ZNF462: variants seen among roughly 807,000 people sequenced by gnomAD.
The protein encoded by ZNF462 is zinc finger protein 462.
A neutral mutation model predicts 201.9 loss-of-function variants in ZNF462; 10 were observed. The observed-to-expected ratio is 0.05, with a 90% confidence interval of 0.03 to 0.08. The LOEUF is 0.08. ZNF462 is among the 10% of genes least tolerant of loss of function. ZNF462 has a pLI of 1.00. For missense variants in ZNF462, 2,523 were observed against 3,168.3 expected (o/e 0.80, Z 4.89); for synonymous variants, 1,227 against 1,193.3 (o/e 1.03, Z -0.58).
rs376852979 is a variant in ZNF462 at position 106,895,631 on chromosome 9, C to A, written c.-30-27723C>A. On this transcript the variant is annotated intron_variant, in intron 1 of 12. Transcript: ENST00000277225. The surrounding 1 kb of genome is among the most constrained non-coding windows in gnomAD (Gnocchi z 4.4). Reference sequence around the variant, plus strand: ...GACATTTGAAACTGGATAGATCTTACGTTATTTAATCCCTATGAAATGGAT... The same window carrying A: ...GACATTTGAAACTGGATAGATCTTAAGTTATTTAATCCCTATGAAATGGAT... Among the ~76,000 whole-genome samples, 1 of 152,174 alleles carries A rather than the reference C, an allele frequency of 6.6e-6. No individual in the cohort carries two copies. Among genetic ancestry groups the A allele is most frequent in the Non-Finnish European group, 1.5e-5 (1 of 68,032 alleles).
chr9:106,898,467 G>A (rs1828907529), intron 1 of ZNF462, among the ~76,000 whole-genome samples: 1 of 152,186 alleles, frequency 6.6e-6, no homozygotes, highest in African/African-American at 2.4e-5. Flanking sequence ...GACAGTTGAA[G>A]CACTGTTGGT....
At chr9:106,903,728 T>C (rs1036746947) in intron 1 of ZNF462, among the ~76,000 whole-genome samples, 6 of 152,228 alleles carry the variant, frequency 3.9e-5, no homozygotes, top group Admixed American at 2.0e-4. Flanking sequence ...TTTTGTCTGA[T>C]ATAAGAATAG....
intron 6 of ZNF462, among the ~76,000 whole-genome samples, chr9:106,937,215 G>C (rs1830667653): frequency 6.6e-6 from 1 of 151,610 alleles, no homozygotes; most frequent in South Asian, 2.1e-4. Context: ...TGCATTAAAA[G>C]AAAAAAATGA....
intron 1 of ZNF462, among the ~76,000 whole-genome samples, chr9:106,878,888 G>A (rs1041725584): frequency 3.3e-5 from 5 of 152,158 alleles, no homozygotes; most frequent in African/African-American, 1.2e-4. Flanking sequence ...AGAGTTTCCA[G>A]TTATTTTTAG....
At position 106,919,355 on chromosome 9, in the gene ZNF462, T is replaced by C. The variant is rs980379315; in HGVS notation, c.-30-3999T>C. Reference sequence around the variant, plus strand: ...GACGATGAAGCTGTGGTTTGTCTCCTTCCTCCTTCACAGGAGGGAAAACTG... The same window carrying C: ...GACGATGAAGCTGTGGTTTGTCTCCCTCCTCCTTCACAGGAGGGAAAACTG... On this transcript the variant is annotated intron_variant, in intron 1 of 12. Coordinates refer to ENST00000277225, the MANE Select transcript of ZNF462 (RefSeq NM_021224.6). This position sits in a 1 kb window ranked among gnomAD's most constrained non-coding sequence, Gnocchi z 4.5. Among the ~76,000 whole-genome samples the C allele has an allele frequency of 1.3e-5, 2 of 152,186 alleles. No individual in the cohort carries two copies. Among genetic ancestry groups the C allele is most frequent in the Non-Finnish European group, 2.9e-5 (2 of 68,028 alleles).
intron 10 of ZNF462, among the ~76,000 whole-genome samples, chr9:107,001,529 C>T (rs917587912): frequency 2.6e-5 from 4 of 152,126 alleles, no homozygotes; most frequent in African/African-American, 7.2e-5. Context: ...AACTTGAACT[C>T]GGGTCTGTCT....
Position 106,890,209 on chromosome 9 carries a change from C to T in ZNF462, c.-31+26854C>T, listed in dbSNP as rs1381558613. 2.0e-5 allele frequency among the ~76,000 whole-genome samples: 3 copies of T among 152,184 alleles called. No homozygotes were observed. The highest frequency in any genetic ancestry group is 2.1e-4 in the South Asian group (1 of 4,828). On this transcript the variant is annotated intron_variant, in intron 1 of 12. Coordinates refer to ENST00000277225, the MANE Select transcript of ZNF462 (RefSeq NM_021224.6). The surrounding 1 kb of genome is among the most constrained non-coding windows in gnomAD (Gnocchi z 4.2). ...CAATAAAAACTATATGTGAGAATTT[C>T]GTGGCCTTGACTGAGCTGTGTATGG...
At position 107,009,206 on chromosome 9, in the gene ZNF462, A is replaced by T; in HGVS notation, c.7190-339A>T. On this transcript the variant is annotated intron_variant, in intron 11 of 12. Coordinates refer to ENST00000277225, the MANE Select transcript of ZNF462 (RefSeq NM_021224.6). The surrounding 1 kb of genome is among the most constrained non-coding windows in gnomAD (Gnocchi z 6.1). Reference sequence around the variant, plus strand: ...GTGAGGCACTGATATAAATCATCACACAAGGGAGAGAATAAATCGGAAAAA... The same window carrying T: ...GTGAGGCACTGATATAAATCATCACTCAAGGGAGAGAATAAATCGGAAAAA... 3.7e-6 allele frequency: 1 copy of T among 272,508 alleles called. No individual in the cohort carries two copies. The highest frequency in any genetic ancestry group is 6.4e-5 in the South Asian group (1 of 15,708). The allele number at this position is 272,508 out of a possible 1,614,324, so 16.9% of individuals were successfully genotyped here.
chr9:106,967,953 GTCTAT>G (rs1832155912), intron 7 of ZNF462, among the ~76,000 whole-genome samples: 2 of 151,748 alleles, frequency 1.3e-5, no homozygotes, highest in South Asian at 4.2e-4. Flanking sequence ...GTTATTTTCT[GTCTAT>G]TCTATTATCA....
chr9:106,915,781 A>C lies in ZNF462; in HGVS notation c.-30-7573A>C, dbSNP rs1163021698. Among the ~76,000 whole-genome samples, 4 of 152,216 alleles carry C rather than the reference A, an allele frequency of 2.6e-5. No individual in the cohort carries two copies. The East Asian group carries it at 7.7e-4, about 29-fold the overall frequency. Reference sequence around the variant, plus strand: ...GCTCAGGCACTGTTTGCCTTTTCAGAAAGCAGGGGTTTAGGACTTTATCCT... The same window carrying C: ...GCTCAGGCACTGTTTGCCTTTTCAGCAAGCAGGGGTTTAGGACTTTATCCT... On this transcript the variant is annotated intron_variant, in intron 1 of 12. Coordinates refer to ENST00000277225, the MANE Select transcript of ZNF462 (RefSeq NM_021224.6).
At position 106,876,603 on chromosome 9, in the gene ZNF462, A is replaced by G. The variant is rs1345407261; in HGVS notation, c.-31+13248A>G. 6.6e-6 allele frequency among the ~76,000 whole-genome samples: 1 copy of G among 152,194 alleles called. No homozygotes were observed. The highest frequency in any genetic ancestry group is 1.5e-5 in the Non-Finnish European group (1 of 68,024). ...TGTGTGCATTCAGTAGGAGCTTGTA[A>G]ACTACCCGAGAATGATGCCATTTCC... On this transcript the variant is annotated intron_variant, in intron 1 of 12. Coordinates refer to ENST00000277225, the MANE Select transcript of ZNF462 (RefSeq NM_021224.6). This position sits in a 1 kb window ranked among gnomAD's most constrained non-coding sequence, Gnocchi z 4.9.
intron 1 of ZNF462, among the ~76,000 whole-genome samples, chr9:106,910,362 G>GTTTTTTTT (rs1011376719): frequency 3.6e-4 from 23 of 64,786 alleles, no homozygotes; most frequent in African/African-American, 1.1e-3. Context: ...CCTTGTTTTA[G>GTTTTTTTT]TTTTTTTTTT....
At chr9:106,953,196 G>A (rs1374920496) in intron 7 of ZNF462, among the ~76,000 whole-genome samples, 6 of 152,284 alleles carry the variant, frequency 3.9e-5, no homozygotes, top group South Asian at 4.2e-4. Context: ...TAGACTCAGT[G>A]TTCTGCCTTC....
At chr9:106,889,784 C>A (rs1448595567) in intron 1 of ZNF462, among the ~76,000 whole-genome samples, 2 of 152,164 alleles carry the variant, frequency 1.3e-5, no homozygotes, top group Non-Finnish European at 2.9e-5. Context: ...GTCAACAGGT[C>A]TAACACATTA....
In ZNF462 at chr9:107,009,757, T is replaced by G. The variant is rs973787275; in HGVS notation, c.7313+89T>G. 3.2e-6 allele frequency: 5 copies of G among 1,555,868 alleles called. No homozygotes were observed. In the African/African-American group the frequency reaches 6.8e-5, roughly 21 times the overall value. On this transcript the variant is annotated intron_variant, in intron 12 of 12. Coordinates refer to ENST00000277225, the MANE Select transcript of ZNF462 (RefSeq NM_021224.6). This position sits in a 1 kb window ranked among gnomAD's most constrained non-coding sequence, Gnocchi z 6.1. ...TCTTGTTTTGGTTCCCCTGACAGTA[T>G]GTACACCCCTCTGTGTCACATTTCT...
chr9:106,970,664 G>T lies in ZNF462; in HGVS notation c.6428-1341G>T, dbSNP rs1038875154. On this transcript the variant is annotated intron_variant, in intron 7 of 12. Transcript: ENST00000277225. The surrounding 1 kb of genome is among the most constrained non-coding windows in gnomAD (Gnocchi z 4.2). Reference sequence around the variant, plus strand: ...AGTTACACTGAAATTCATCTGTGTGGTATTCATGGACTTCATTTGTGTCAT... The same window carrying T: ...AGTTACACTGAAATTCATCTGTGTGTTATTCATGGACTTCATTTGTGTCAT... Among the ~76,000 whole-genome samples the T allele has an allele frequency of 2.0e-5, 3 of 152,242 alleles. No homozygotes were observed. Among genetic ancestry groups the T allele is most frequent in the African/African-American group, 4.8e-5 (2 of 41,552 alleles).
In ZNF462 at chr9:106,919,969, A is replaced by G. The variant is rs1408934355; in HGVS notation, c.-30-3385A>G. 6.6e-6 allele frequency among the ~76,000 whole-genome samples: 1 copy of G among 152,172 alleles called. No individual in the cohort carries two copies. Among genetic ancestry groups the G allele is most frequent in the South Asian group, 2.1e-4 (1 of 4,834 alleles). On this transcript the variant is annotated intron_variant, in intron 1 of 12. Transcript: ENST00000277225. This position sits in a 1 kb window ranked among gnomAD's most constrained non-coding sequence, Gnocchi z 4.5. Reference sequence around the variant, plus strand: ...ACTTTTGATTTTGCTGATTTTGGTGAGAAAAAATATTGCTAATTTCATAAT... The same window carrying G: ...ACTTTTGATTTTGCTGATTTTGGTGGGAAAAAATATTGCTAATTTCATAAT...
intron 1 of ZNF462, among the ~76,000 whole-genome samples, chr9:106,877,322 TACATTTGGGAAA>T (rs1827877235): frequency 7.2e-6 from 1 of 139,746 alleles, no homozygotes; most frequent in Non-Finnish European, 1.6e-5. Flanking sequence ...TTTTTTTTTT[TACATTTGGGAAA>T]TTTCCAGAGA....
chr9:107,002,520 TAAAG>T (rs1191781818), intron 10 of ZNF462, among the ~76,000 whole-genome samples: 2 of 152,190 alleles, frequency 1.3e-5, no homozygotes, highest in Non-Finnish European at 2.9e-5. Flanking sequence ...GAAAAATCAT[TAAAG>T]ACTTTTCTTA....
Sources: allele counts gnomAD v4.1 joint callset (sites outside exome capture counted in the v4.1 genomes callset), GRCh38; gene constraint gnomAD v4.1.1; non-coding constraint Gnocchi (gnomAD v3.1); transcripts MANE v1.5; gene names NCBI Gene and HGNC (gene_info 2026-07-23, HGNC 2026-07-21).